The following PHF20 variants were observed in gnomAD, a reference collection of about 807,000 sequenced individuals.
The protein encoded by PHF20 is PHD finger protein 20, also known as glioma-expressed antigen 2.
A neutral mutation model predicts 113.5 loss-of-function variants in PHF20; 23 were observed. The ratio of observed to expected loss-of-function variants is 0.20; its 90% CI spans 0.15 to 0.29. The LOEUF (loss-of-function observed/expected upper bound fraction) is 0.29, where lower values mean the gene tolerates loss of function less well. PHF20 is among the 10% of genes least tolerant of loss of function. PHF20 has a pLI of 1.00. For synonymous variants in PHF20, 434 were observed against 457.3 expected, an observed-to-expected ratio of 0.95 and a Z score of 0.65; for missense variants, 943 against 1,219.6, an observed-to-expected ratio of 0.77 and a Z score of 3.38.
chr20:35,772,198 C>CGGCCCCGCTCCCCGCCT (rs1294152302), intron 1 of PHF20, 119 bp downstream of exon 1: 5 of 151,196 alleles, frequency 3.3e-5, no homozygotes, highest in Non-Finnish European at 7.4e-5. Flanking sequence ...GTCCCCTGCC[C>CGGCCCCGCTCCCCGCCT]GGCCCCGCTC....
At chr20:35,905,083 C>T (rs2055179099) in intron 10 of PHF20, among the ~76,000 whole-genome samples, 1 of 152,052 alleles carries the variant, frequency 6.6e-6, no homozygotes, top group African/African-American at 2.4e-5. Context: ...CCTTGGCCTC[C>T]CAAAGTGCTG....
At chr20:35,888,888 G>A (rs1027890969) in intron 9 of PHF20, among the ~76,000 whole-genome samples, 6 of 151,780 alleles carry the variant, frequency 4.0e-5, no homozygotes, top group African/African-American at 1.5e-4. Flanking sequence ...ACCAGCTGCT[G>A]CCATGTATGT....
Position 35,947,526 on chromosome 20 carries a change from C to T in PHF20, c.2938C>T (p.Pro980Ser). 1.2e-6 allele frequency: 2 copies of T among 1,614,116 alleles called. No homozygotes were observed. Among genetic ancestry groups the T allele is most frequent in the Non-Finnish European group, 1.7e-6 (2 of 1,180,008 alleles). Residue 980 changes from proline (P) to serine (S), a missense_variant, in exon 18 of 18, where the codon CCT becomes TCT. Pro to Ser is a moderately conservative substitution (Grantham distance 74). Around this residue, in one of 3 missense-constraint regions of PHF20, gnomAD observed 349 missense variants for 412.3 expected, o/e 0.85. Coordinates refer to ENST00000374012, the MANE Select transcript of PHF20 (RefSeq NM_016436.5). ...GGACTACACTGGGGAACTGGAGCCCCCTGAGCCGCTGGCCAGGCTTCCGCA... is the reference window on the plus strand; with the variant it reads ...GGACTACACTGGGGAACTGGAGCCCTCTGAGCCGCTGGCCAGGCTTCCGCA... ...WLDYTGELEP[P>S]EPLARLPQLK...
chr20:35,803,617 G>A (rs1380388554), intron 2 of PHF20, among the ~76,000 whole-genome samples: 1 of 151,414 alleles, frequency 6.6e-6, no homozygotes, highest in East Asian at 1.9e-4. Context: ...GAGCCACCAA[G>A]CCTGCCTGTT....
At chr20:35,775,254 A>G (rs1178699312) in intron 1 of PHF20, among the ~76,000 whole-genome samples, 1 of 152,154 alleles carries the variant, frequency 6.6e-6, no homozygotes, top group African/African-American at 2.4e-5. Context: ...TTTGCAGGTG[A>G]TGCTGATGTT....
At chr20:35,859,322 C>T (rs1211485583) in intron 5 of PHF20, among the ~76,000 whole-genome samples, 2 of 151,884 alleles carry the variant, frequency 1.3e-5, no homozygotes, top group African/African-American at 2.4e-5. Flanking sequence ...TTGTCTTTTT[C>T]GTGTTTATGT....
chr20:35,839,224 A>G (rs1368347595), intron 2 of PHF20, among the ~76,000 whole-genome samples: 1 of 151,738 alleles, frequency 6.6e-6, no homozygotes, highest in African/African-American at 2.4e-5. Context: ...CCTCGTGTCT[A>G]CTAAAAATAC....
chr20:35,800,505 TCA>T (rs1183148015), intron 1 of PHF20, among the ~76,000 whole-genome samples: 1 of 152,210 alleles, frequency 6.6e-6, no homozygotes, highest in African/African-American at 2.4e-5. Flanking sequence ...GCGCAGTGGT[TCA>T]CGCCTGTAAT....
chr20:35,849,419 A>T, intron 4 of PHF20: 1 of 470,896 alleles, frequency 2.1e-6, no homozygotes, highest in Non-Finnish European at 4.4e-6. Context: ...TCAAAGTAGA[A>T]TGAAGTAGGT....
Position 35,869,618 on chromosome 20 carries a change from C to T in PHF20, c.922+67C>T, listed in dbSNP as rs2054382069. Reference sequence around the variant, plus strand: ...TGTTTGGGTCAACTTCCTCTATATTCATCCTGTCCCCCATTCCCTATAGGC... The same window carrying T: ...TGTTTGGGTCAACTTCCTCTATATTTATCCTGTCCCCCATTCCCTATAGGC... On this transcript the variant is annotated intron_variant, in intron 7 of 17. Coordinates refer to ENST00000374012, the MANE Select transcript of PHF20 (RefSeq NM_016436.5). 1.7e-5 allele frequency: 14 copies of T among 830,752 alleles called. No homozygotes were observed. The South Asian group carries it at 2.0e-4, about 12-fold the overall frequency. 51.5% of individuals were successfully genotyped at this position (830,752 alleles called of 1,614,324 possible). A position where few individuals can be genotyped will look rare whatever the true frequency, so the allele number is the denominator to read the frequency against.
rs563823974 is a variant in PHF20 at position 35,908,608 on chromosome 20, G to A, written c.1562-4641G>A. Among the ~76,000 whole-genome samples the A allele has an allele frequency of 7.2e-4, 110 of 152,312 alleles. 1 individual carries two copies. Among genetic ancestry groups the A allele is most frequent in the Non-Finnish European group, 1.1e-3 (72 of 68,036 alleles). ...GGGAGCAGTCTGTGTGTGTGTTGTG[G>A]AGGAGTGTGGGTGAAGGTACAACAG... is the stretch of plus-strand genomic sequence containing the variant. On this transcript the variant is annotated intron_variant, in intron 10 of 17. Transcript: ENST00000374012.
At chr20:35,919,362 C>T (rs1383020800) in intron 13 of PHF20, among the ~76,000 whole-genome samples, 54 of 127,266 alleles carry the variant, frequency 4.2e-4, no homozygotes, top group African/African-American at 1.4e-3. Flanking sequence ...TTTTTTGAGA[C>T]GGAGTCTCCC....
intron 2 of PHF20, among the ~76,000 whole-genome samples, chr20:35,811,089 C>A (rs1370641056): frequency 1.3e-5 from 2 of 152,054 alleles, no homozygotes; most frequent in Admixed American, 1.3e-4. Flanking sequence ...GCTCTGTCGC[C>A]AGGCTGGAGT....
chr20:35,919,139 C>T (rs2055461548), intron 13 of PHF20, among the ~76,000 whole-genome samples: 2 of 151,804 alleles, frequency 1.3e-5, no homozygotes, highest in African/African-American at 4.8e-5. Flanking sequence ...GCCTCCACTG[C>T]CCGAGTAGCT....
chr20:35,935,929 G>A (rs190929217), intron 15 of PHF20, among the ~76,000 whole-genome samples: 15 of 152,194 alleles, frequency 9.9e-5, no homozygotes, highest in South Asian at 4.1e-4. Context: ...ATTTATTTTC[G>A]AAGACAAACA....
At position 35,863,281 on chromosome 20, in the gene PHF20, A is replaced by C; in HGVS notation, c.689A>C (p.Glu230Ala). The C allele has an allele frequency of 6.2e-7, 1 of 1,614,194 alleles. No individual in the cohort carries two copies. Among genetic ancestry groups the C allele is most frequent in the Non-Finnish European group, 8.5e-7 (1 of 1,180,018 alleles). ...DKENISENDREYSGDAQVDKK... is the reference protein window; with the variant it reads ...DKENISENDRAYSGDAQVDKK... Reference sequence around the variant, plus strand: ...GAAAACATTTCCGAAAATGACAGAGAGTATTCTGGAGATGCCCAAGTGGAT... The same window carrying C: ...GAAAACATTTCCGAAAATGACAGAGCGTATTCTGGAGATGCCCAAGTGGAT... The change falls in exon 6 of 18, where the codon GAG becomes GCG. Residue 230 changes from glutamate to alanine, a missense_variant. Transcript: ENST00000374012.
intron 4 of PHF20, among the ~76,000 whole-genome samples, chr20:35,857,562 C>CTTTTTTTTTTTTTTTTTT (rs56655276): frequency 3.3e-4 from 33 of 99,682 alleles, no homozygotes; most frequent in East Asian, 6.8e-4. Context: ...AATGATGTTC[C>CTTTTTTTTTTTTTTTTTT]TTTTTTTTTT....
At chr20:35,940,018 T>TTAC (rs1471263083) in intron 16 of PHF20, among the ~76,000 whole-genome samples, 7 of 152,186 alleles carry the variant, frequency 4.6e-5, no homozygotes, top group Non-Finnish European at 1.0e-4. Flanking sequence ...TCTGAGCGGG[T>TTAC]TACTTCACTT....
intron 1 of PHF20, among the ~76,000 whole-genome samples, chr20:35,772,639 A>G (rs967744772): frequency 4.0e-5 from 6 of 151,744 alleles, no homozygotes; most frequent in East Asian, 3.9e-4. Flanking sequence ...AATTTTATCT[A>G]AATTTCTAAA....
Sources: allele counts gnomAD v4.1 joint callset (sites outside exome capture counted in the v4.1 genomes callset), GRCh38; gene constraint gnomAD v4.1.1; regional missense constraint gnomAD v4.1.1; transcripts MANE v1.5; gene names NCBI Gene and HGNC (gene_info 2026-07-23, HGNC 2026-07-21).